The following CFTR variants were observed in gnomAD, a reference collection of about 807,000 sequenced individuals.
The protein encoded by CFTR is CF transmembrane conductance regulator, also known as cystic fibrosis transmembrane conductance regulator.
Under a neutral mutation model 171.6 loss-of-function variants are expected in CFTR, and 181 were observed. That is an observed-to-expected ratio of 1.05 (90% CI 0.93 to 1.19). The LOEUF is 1.19. Among genes scored for constraint, CFTR ranks in the 50% most tolerant of loss-of-function variants. CFTR has a pLI of 0.00. For synonymous variants in CFTR, 583 were observed against 608.0 expected (o/e 0.96, Z 0.60); for missense variants, 1,968 against 1,734.7 (o/e 1.13, Z -2.39).
rs760893687 is a variant in CFTR at position 117,592,420 on chromosome 7, C to T, written c.2253C>T (p.Arg751=). ...DSEQGEAILP[R]ISVISTGPTL... is the part of the protein sequence containing the mutation. Reference sequence around the variant, plus strand: ...AGCAGGGAGAGGCGATACTGCCTCGCATCAGCGTGATCAGCACTGGCCCCA... The same window carrying T: ...AGCAGGGAGAGGCGATACTGCCTCGTATCAGCGTGATCAGCACTGGCCCCA... The change falls in exon 14 of 27, where the codon CGC becomes CGT. Residue 751 remains arginine, a synonymous_variant. Coordinates refer to ENST00000003084, the MANE Select transcript of CFTR (RefSeq NM_000492.4). 2 of 1,612,564 alleles carry T rather than the reference C, an allele frequency of 1.2e-6. No individual in the cohort carries two copies. Among genetic ancestry groups the T allele is most frequent in the Non-Finnish European group, 1.7e-6 (2 of 1,179,280 alleles).
chr7:117,627,419 T>A, intron 21 of CFTR, 103 bp from the exon 22 acceptor site: 1 of 1,179,640 alleles, frequency 8.5e-7, no homozygotes, highest in South Asian at 1.3e-5. Context: ...AAGTGACAAA[T>A]AGCAAGTGTT....
intron 11 of CFTR, among the ~76,000 whole-genome samples, chr7:117,583,157 G>A (rs377049693): frequency 6.6e-6 from 1 of 151,976 alleles, no homozygotes; most frequent in Non-Finnish European, 1.5e-5. Flanking sequence ...AATCCAGAAG[G>A]GATATTTTCT....
At chr7:117,657,552 A>C (rs908644832) in intron 24 of CFTR, among the ~76,000 whole-genome samples, 1 of 152,222 alleles carries the variant, frequency 6.6e-6, no homozygotes, top group Non-Finnish European at 1.5e-5. Context: ...CCTAGGCTTT[A>C]GTCTAATACA....
At chr7:117,576,409 A>T (rs1791770306) in intron 11 of CFTR, among the ~76,000 whole-genome samples, 2 of 152,258 alleles carry the variant, frequency 1.3e-5, no homozygotes, top group Admixed American at 1.3e-4. Flanking sequence ...TCTAGAGATG[A>T]TTTAAAGTAT....
At chr7:117,593,417 C>T (rs536462308) in intron 14 of CFTR, among the ~76,000 whole-genome samples, 2 of 152,214 alleles carry the variant, frequency 1.3e-5, no homozygotes, top group African/African-American at 2.4e-5. Flanking sequence ...TAGTATAGAT[C>T]ATTTGTGAAT....
chr7:117,561,511 T>TA (rs1313987871), intron 11 of CFTR, among the ~76,000 whole-genome samples: 4 of 152,164 alleles, frequency 2.6e-5, no homozygotes, highest in Non-Finnish European at 2.9e-5. Flanking sequence ...ATCACCCATC[T>TA]ACTTTCTGTC....
chr7:117,570,415 A>T (rs367881130), intron 11 of CFTR, among the ~76,000 whole-genome samples: 1 of 152,156 alleles, frequency 6.6e-6, no homozygotes, highest in Non-Finnish European at 1.5e-5. Context: ...TGTCTTCCGC[A>T]GTTGCTTTTC....
At chr7:117,570,069 G>A (rs372957034) in intron 11 of CFTR, among the ~76,000 whole-genome samples, 89 of 151,886 alleles carry the variant, frequency 5.9e-4, no homozygotes, top group East Asian at 3.7e-3. Flanking sequence ...CTCTCCTGGT[G>A]TCATAAGCTA....
intron 22 of CFTR, among the ~76,000 whole-genome samples, chr7:117,640,165 C>T (rs1412865535): frequency 6.6e-6 from 1 of 152,112 alleles, no homozygotes; most frequent in African/African-American, 2.4e-5. Flanking sequence ...GGGAAGTACT[C>T]TAGCCTTATT....
Position 117,592,235 on chromosome 7 carries a change from A to G in CFTR, c.2068A>G (p.Thr690Ala), listed in dbSNP as rs780579840. ...AACAAAAAAACAATCTTTTAAACAG[A>G]CTGGAGAGTTTGGGGAAAAAAGGAA... ...TETKKQSFKQ[T>A]GEFGEKRKNS... is the part of the protein sequence containing the mutation. Residue 690 changes from threonine to alanine, a missense_variant, in exon 14 of 27, where the codon ACT becomes GCT. Physicochemically the swap from Thr to Ala is moderately conservative, Grantham distance 58. Transcript: ENST00000003084. The G allele has an allele frequency of 8.1e-6, 13 of 1,613,692 alleles. No homozygotes were observed. The highest frequency in any genetic ancestry group is 1.1e-5 in the Non-Finnish European group (13 of 1,179,972).
In CFTR at chr7:117,607,173, G is replaced by T. The variant is rs34320215; in HGVS notation, c.2988+420G>T. On this transcript the variant is annotated intron_variant, in intron 18 of 26. Coordinates refer to ENST00000003084, the MANE Select transcript of CFTR (RefSeq NM_000492.4). ...TACACTTGAAACTAGCCTCACCCAT[G>T]AACACTTTGGCACAGATTAGCTAGC... 9.8e-3 allele frequency among the ~76,000 whole-genome samples: 1,500 copies of T among 152,300 alleles called. 27 individuals carry two copies. Among genetic ancestry groups the T allele is most frequent in the African/African-American group, 0.034 (1,417 of 41,568 alleles).
intron 11 of CFTR, among the ~76,000 whole-genome samples, 187 bp downstream of exon 11, chr7:117,559,842 G>T (rs981767020): frequency 5.9e-5 from 9 of 151,972 alleles, no homozygotes; most frequent in Non-Finnish European, 1.3e-4. Flanking sequence ...GCAAACACAT[G>T]AAATAAATGC....
Position 117,480,655 on chromosome 7 carries a change from A to G in CFTR, c.53+508A>G, listed in dbSNP as rs907399845. ...AGTATTTATTGTTATGAGACTGGAT[A>G]TATCTAGTATTTGTCACAGGTAAAT... On this transcript the variant is annotated intron_variant, in intron 1 of 26. Coordinates refer to ENST00000003084, the MANE Select transcript of CFTR (RefSeq NM_000492.4). Among the ~76,000 whole-genome samples, 10 of 152,302 alleles carry G rather than the reference A, an allele frequency of 6.6e-5. No homozygotes were observed. The East Asian group carries it at 9.7e-4, about 15-fold the overall frequency.
At chr7:117,574,925 T>C (rs990735730) in intron 11 of CFTR, among the ~76,000 whole-genome samples, 1 of 152,142 alleles carries the variant, frequency 6.6e-6, no homozygotes, top group Non-Finnish European at 1.5e-5. Context: ...TGCTGGTATG[T>C]AGAATTCTAT....
chr7:117,643,064 CTATT>C (rs1792945825), intron 23 of CFTR, among the ~76,000 whole-genome samples: 1 of 152,002 alleles, frequency 6.6e-6, no homozygotes, highest in Admixed American at 6.6e-5. Flanking sequence ...TAGTCTGTAA[CTATT>C]TTTTTTTAAT....
At chr7:117,626,901 T>A (rs2116127284) in intron 21 of CFTR, among the ~76,000 whole-genome samples, 1 of 152,246 alleles carries the variant, frequency 6.6e-6, no homozygotes, top group South Asian at 2.1e-4. Flanking sequence ...AAATATTTAA[T>A]TTCAAATATA....
At chr7:117,664,149 C>G (rs1281970472) in intron 24 of CFTR, among the ~76,000 whole-genome samples, 1 of 152,066 alleles carries the variant, frequency 6.6e-6, no homozygotes, top group Admixed American at 6.6e-5. Flanking sequence ...TTAAAAAACC[C>G]CACAGTTGAC....
intron 3 of CFTR, among the ~76,000 whole-genome samples, chr7:117,524,764 A>C (rs539050783): frequency 6.6e-6 from 1 of 152,214 alleles, no homozygotes; most frequent in African/African-American, 2.4e-5. Flanking sequence ...ATGTATGGCA[A>C]TGGGCAAATA....
At chr7:117,615,403 G>A (rs1166029424) in intron 21 of CFTR, among the ~76,000 whole-genome samples, 1 of 151,782 alleles carries the variant, frequency 6.6e-6, no homozygotes, top group Non-Finnish European at 1.5e-5. Context: ...TTTCCTTTAT[G>A]TTTTGTGCTT....
Sources: allele counts gnomAD v4.1 joint callset (sites outside exome capture counted in the v4.1 genomes callset), GRCh38; gene constraint gnomAD v4.1.1; transcripts MANE v1.5; gene names NCBI Gene and HGNC (gene_info 2026-07-23, HGNC 2026-07-21).